GRM7: variants seen among roughly 807,000 people sequenced by gnomAD.
GRM7 encodes the protein metabotropic glutamate receptor 7.
Under a neutral mutation model 84.5 loss-of-function variants are expected in GRM7, and 35 were observed. The observed-to-expected ratio is 0.41, with a 90% CI of 0.32 to 0.55. The LOEUF (loss-of-function observed/expected upper bound fraction) is 0.55. Among genes scored for constraint, GRM7 ranks in the 20% least tolerant of loss-of-function variants. GRM7 has a pLI of 0.19. For synonymous variants in GRM7, 487 were observed against 455.1 expected (o/e 1.07, Z -0.89); for missense variants, 1,003 against 1,194.6 (o/e 0.84, Z 2.36).
chr3:6,883,237 T>C (rs1351507752), intron 1 of GRM7, among the ~76,000 whole-genome samples: 1 of 152,174 alleles, frequency 6.6e-6, no homozygotes, highest in African/African-American at 2.4e-5. Flanking sequence ...CTTTATGCAT[T>C]TATTCACATT....
chr3:6,986,948 G>A (rs1295251859), intron 1 of GRM7, among the ~76,000 whole-genome samples: 2 of 152,196 alleles, frequency 1.3e-5, no homozygotes, highest in African/African-American at 4.8e-5. Flanking sequence ...ATGAATGAAG[G>A]AAGGAAGGAA....
At chr3:7,347,360 C>T (rs1692938630) in intron 4 of GRM7, among the ~76,000 whole-genome samples, 1 of 152,100 alleles carries the variant, frequency 6.6e-6, no homozygotes, top group Non-Finnish European at 1.5e-5. Flanking sequence ...ACTCTCCAGC[C>T]ATAGATAAAT....
chr3:7,449,080 T>G (rs544942470), intron 5 of GRM7, among the ~76,000 whole-genome samples: 5 of 152,274 alleles, frequency 3.3e-5, no homozygotes, highest in Admixed American at 2.0e-4. Context: ...GTTAGTGGGT[T>G]CACTCTAAAG....
rs555626002 is a variant in GRM7 at position 7,472,375 on chromosome 3, C to T, written c.1515+10653C>T. Among the ~76,000 whole-genome samples the T allele has an allele frequency of 5.9e-5, 9 of 151,568 alleles. No homozygotes were observed. In the East Asian group the frequency reaches 7.7e-4, roughly 13 times the overall value. On this transcript the variant is annotated intron_variant, in intron 7 of 9. Coordinates refer to ENST00000357716, the MANE Select transcript of GRM7 (RefSeq NM_000844.4). ...GTAAATAGGAATGTTAAGTTTTATA[C>T]TTAAACACTTTTGGTCTGTAATTGA... is the stretch of plus-strand genomic sequence containing the variant.
At chr3:7,613,179 T>C (rs1157431831) in intron 8 of GRM7, among the ~76,000 whole-genome samples, 1 of 152,124 alleles carries the variant, frequency 6.6e-6, no homozygotes, top group Non-Finnish European at 1.5e-5. Context: ...GGACATGAAT[T>C]TGGGGTCAGT....
At chr3:7,365,294 A>G (rs1366426616) in intron 4 of GRM7, among the ~76,000 whole-genome samples, 3 of 151,838 alleles carry the variant, frequency 2.0e-5, no homozygotes, top group Non-Finnish European at 4.4e-5. Context: ...TAAATTTAAG[A>G]GTAAGGCTCA....
chr3:7,034,286 G>A (rs1696296454), intron 1 of GRM7, among the ~76,000 whole-genome samples: 1 of 151,554 alleles, frequency 6.6e-6, no homozygotes, highest in Admixed American at 6.6e-5. Context: ...GTCTCTGGTG[G>A]GGGTTAAAAA....
intron 4 of GRM7, among the ~76,000 whole-genome samples, chr3:7,344,101 T>A (rs1034539736): frequency 3.9e-5 from 6 of 152,172 alleles, no homozygotes; most frequent in South Asian, 2.1e-4. Context: ...TTTTTTTTTT[T>A]AACTTTTAAG....
In GRM7 at chr3:7,622,483, G is replaced by A. The variant is rs114665306; in HGVS notation, c.2451+43126G>A. Among the ~76,000 whole-genome samples, 865 of 152,188 alleles carry A rather than the reference G, an allele frequency of 5.7e-3. 6 individuals carry two copies. Among genetic ancestry groups the A allele is most frequent in the African/African-American group, 0.02 (814 of 41,536 alleles). On this transcript the variant is annotated intron_variant, in intron 8 of 9. Transcript: ENST00000357716. ...ATTTCAAGAAGCTGTGGTCAGATGG[G>A]GGAGACAGCTGTTCTTTATATAATC...
intron 9 of GRM7, among the ~76,000 whole-genome samples, chr3:7,731,173 G>A (rs1261771104): frequency 1.3e-5 from 2 of 150,964 alleles, no homozygotes; most frequent in African/African-American, 4.9e-5. Context: ...AGGCTGTTTT[G>A]GCCATGTTTA....
At chr3:7,263,929 G>C (rs116860943) in intron 2 of GRM7, among the ~76,000 whole-genome samples, 3 of 152,120 alleles carry the variant, frequency 2.0e-5, no homozygotes, top group Admixed American at 6.6e-5. Context: ...AAAGTGATGT[G>C]GGGGGTGGCC....
chr3:7,634,877 T>G (rs188354283), intron 8 of GRM7, among the ~76,000 whole-genome samples: 253 of 152,208 alleles, frequency 1.7e-3, no homozygotes, highest in Non-Finnish European at 4.6e-4. Context: ...TTTTGAATAT[T>G]TTACCCACAA....
At chr3:7,288,742 T>C (rs1699517181) in intron 2 of GRM7, among the ~76,000 whole-genome samples, 1 of 152,148 alleles carries the variant, frequency 6.6e-6, no homozygotes. Flanking sequence ...TAGTAGTATA[T>C]AGATGATTTT....
intron 1 of GRM7, among the ~76,000 whole-genome samples, chr3:7,049,666 TG>T (rs1304325108): frequency 6.6e-6 from 1 of 151,948 alleles, no homozygotes; most frequent in African/African-American, 2.4e-5. Context: ...GAAGGAATCA[TG>T]GTTCTATGGT....
At chr3:7,278,891 C>T (rs898448769) in intron 2 of GRM7, among the ~76,000 whole-genome samples, 1 of 152,102 alleles carries the variant, frequency 6.6e-6, no homozygotes, top group African/African-American at 2.4e-5. Flanking sequence ...CATCATTTAG[C>T]TTTTTGGTAG....
chr3:7,568,368 A>G (rs1694426699), intron 7 of GRM7, among the ~76,000 whole-genome samples: 1 of 152,238 alleles, frequency 6.6e-6, no homozygotes, highest in African/African-American at 2.4e-5. Flanking sequence ...AGGAGGCTTC[A>G]CAATCATGGC....
At chr3:7,040,047 A>G (rs1217758639) in intron 1 of GRM7, among the ~76,000 whole-genome samples, 1 of 152,234 alleles carries the variant, frequency 6.6e-6, no homozygotes, top group Non-Finnish European at 1.5e-5. Flanking sequence ...AGGTTATACC[A>G]TAACCCATAG....
intron 1 of GRM7, among the ~76,000 whole-genome samples, chr3:7,054,285 TAAAA>T (rs1009875324): frequency 5.4e-5 from 8 of 149,388 alleles, no homozygotes; most frequent in Non-Finnish European, 8.9e-5. Flanking sequence ...ACATATATCA[TAAAA>T]GATAAGATTA....
chr3:7,108,292 A>G (rs898045507), intron 1 of GRM7, among the ~76,000 whole-genome samples: 2 of 152,022 alleles, frequency 1.3e-5, no homozygotes, highest in Non-Finnish European at 2.9e-5. Flanking sequence ...AAGAAGTTAT[A>G]TGGTTGCGTG....
Sources: allele counts gnomAD v4.1 joint callset (sites outside exome capture counted in the v4.1 genomes callset), GRCh38; gene constraint gnomAD v4.1.1; transcripts MANE v1.5; gene names NCBI Gene and HGNC (gene_info 2026-07-23, HGNC 2026-07-21).